The following TRHDE variants were observed in gnomAD, a reference collection of about 807,000 sequenced individuals.
The protein encoded by TRHDE is thyrotropin-releasing hormone-degrading ectoenzyme.
A neutral mutation model predicts 125.7 loss-of-function variants in TRHDE; 72 were observed. The observed-to-expected ratio is 0.57, with a 90% CI of 0.47 to 0.70. TRHDE has a LOEUF of 0.70. Ranked by LOEUF, TRHDE falls within the 30% of genes least tolerant of loss-of-function variation. The pLI is 0.00. For missense variants in TRHDE, 1,110 were observed against 1,327.1 expected (o/e 0.84, Z 2.54); for synonymous variants, 509 against 509.1 (o/e 1.00, Z 0.00).
At chr12:72,371,652 T>G (rs1054734074) in intron 2 of TRHDE, among the ~76,000 whole-genome samples, 3 of 151,988 alleles carry the variant, frequency 2.0e-5, no homozygotes, top group African/African-American at 7.3e-5. Context: ...TTTGGTTTTC[T>G]GTCCTTGGGG....
chr12:72,232,580 A>G (rs1399835349), intron 2 of TRHDE, among the ~76,000 whole-genome samples: 1 of 152,086 alleles, frequency 6.6e-6, no homozygotes, highest in Non-Finnish European at 1.5e-5. Context: ...AAAATAATAG[A>G]GTTAATACAG....
chr12:72,291,318 G>A (rs1880079896), intron 2 of TRHDE, among the ~76,000 whole-genome samples: 2 of 152,178 alleles, frequency 1.3e-5, no homozygotes, highest in South Asian at 4.1e-4. Flanking sequence ...GAGGAAATGG[G>A]AAGATACAGT....
At chr12:72,410,963 T>C (rs1592425160) in intron 3 of TRHDE, among the ~76,000 whole-genome samples, 1 of 151,164 alleles carries the variant, frequency 6.6e-6, no homozygotes, top group African/African-American at 2.4e-5. Context: ...GAGGCCAAGG[T>C]GGGTGGATCA....
At position 72,435,943 on chromosome 12, in the gene TRHDE, T is replaced by A. The variant is rs568173761; in HGVS notation, c.1316-33815T>A. On this transcript the variant is annotated intron_variant, in intron 3 of 18. Transcript: ENST00000261180. ...AAAGTATAAATGATAAAGGTGAAAATTTAATTTTTTAACTTGTTCACATAT... is the reference window on the plus strand; with the variant it reads ...AAAGTATAAATGATAAAGGTGAAAAATTAATTTTTTAACTTGTTCACATAT... 1.4e-4 allele frequency among the ~76,000 whole-genome samples: 22 copies of A among 152,024 alleles called. No individual in the cohort carries two copies. In the South Asian group the frequency reaches 1.5e-3, roughly 10 times the overall value.
intron 15 of TRHDE, among the ~76,000 whole-genome samples, chr12:72,628,515 G>C (rs1873352739): frequency 6.6e-6 from 1 of 151,842 alleles, no homozygotes; most frequent in Non-Finnish European, 1.5e-5. Flanking sequence ...AATTTTGCAA[G>C]CTAATTTTTA....
chr12:72,558,973 A>G (rs773885607), intron 7 of TRHDE, among the ~76,000 whole-genome samples: 1 of 152,148 alleles, frequency 6.6e-6, no homozygotes, highest in Non-Finnish European at 1.5e-5. Flanking sequence ...TGTAGGCTGA[A>G]GACTCTGAGT....
intron 12 of TRHDE, among the ~76,000 whole-genome samples, chr12:72,608,901 T>C (rs1872543642): frequency 6.6e-6 from 1 of 152,188 alleles, no homozygotes; most frequent in Non-Finnish European, 1.5e-5. Context: ...GCTCTACCCT[T>C]ATTTGCAATA....
chr12:72,301,013 C>G (rs1209130461), intron 2 of TRHDE, among the ~76,000 whole-genome samples: 1 of 152,134 alleles, frequency 6.6e-6, no homozygotes, highest in Admixed American at 6.5e-5. Flanking sequence ...ATTCCAGGTT[C>G]AGGGGGAGGA....
chr12:72,472,434 A>T (rs930919555), intron 4 of TRHDE, among the ~76,000 whole-genome samples: 1 of 151,994 alleles, frequency 6.6e-6, no homozygotes, highest in Non-Finnish European at 1.5e-5. Context: ...ATCTTAGAGA[A>T]TTTTTTTTGG....
intron 2 of TRHDE, among the ~76,000 whole-genome samples, chr12:72,224,442 A>G (rs961655453): frequency 1.3e-5 from 2 of 152,070 alleles, no homozygotes; most frequent in Admixed American, 1.3e-4. Context: ...ATTATATCCT[A>G]TTCATACCAA....
chr12:72,622,087 T>G (rs1451421603), intron 15 of TRHDE, among the ~76,000 whole-genome samples: 1 of 152,118 alleles, frequency 6.6e-6, no homozygotes, highest in African/African-American at 2.4e-5. Context: ...TCAGGTTCTT[T>G]ATAAAGGTTG....
intron 6 of TRHDE, among the ~76,000 whole-genome samples, chr12:72,500,882 T>C (rs1275355206): frequency 2.0e-5 from 3 of 148,562 alleles, no homozygotes; most frequent in African/African-American, 7.5e-5. Flanking sequence ...TAAGTTTCTT[T>C]GGTCCTTTGC....
At chr12:72,584,258 T>G (rs2136040235) in intron 12 of TRHDE, among the ~76,000 whole-genome samples, 1 of 152,268 alleles carries the variant, frequency 6.6e-6, no homozygotes, top group African/African-American at 2.4e-5. Context: ...ATTCTGTAGG[T>G]TTGGTCCATT....
chr12:72,227,552 G>A (rs1446409446), intron 2 of TRHDE, among the ~76,000 whole-genome samples: 6 of 152,030 alleles, frequency 3.9e-5, no homozygotes, highest in South Asian at 4.1e-4. Context: ...AAACAATATC[G>A]TTCTGCCCCA....
intron 9 of TRHDE, among the ~76,000 whole-genome samples, chr12:72,565,935 A>G (rs1870420457): frequency 6.6e-6 from 1 of 152,188 alleles, no homozygotes; most frequent in Non-Finnish European, 1.5e-5. Context: ...CTGGAACACA[A>G]TCTAATTTCC....
chr12:72,302,852 A>T (rs1318641376), intron 2 of TRHDE, among the ~76,000 whole-genome samples: 1 of 152,058 alleles, frequency 6.6e-6, no homozygotes, highest in East Asian at 1.9e-4. Context: ...GCTCTTTTGG[A>T]CTGGATAACT....
intron 2 of TRHDE, chr12:72,257,150 C>G (rs553860745): frequency 6.6e-6 from 1 of 152,094 alleles, no homozygotes; most frequent in East Asian, 1.9e-4. Context: ...AGAAAAGCAC[C>G]AGGCTATCTA....
intron 12 of TRHDE, among the ~76,000 whole-genome samples, chr12:72,591,439 T>C (rs1871677302): frequency 6.6e-6 from 1 of 152,154 alleles, no homozygotes. Context: ...TGCTATTTGC[T>C]TCCTGCCTTT....
intron 10 of TRHDE, among the ~76,000 whole-genome samples, chr12:72,573,545 C>T (rs969803260): frequency 6.6e-6 from 1 of 151,828 alleles, no homozygotes; most frequent in Non-Finnish European, 1.5e-5. Flanking sequence ...ATTTGTCCCT[C>T]AGGTTACAAG....
Sources: allele counts gnomAD v4.1 joint callset (sites outside exome capture counted in the v4.1 genomes callset), GRCh38; gene constraint gnomAD v4.1.1; transcripts MANE v1.5; gene names NCBI Gene and HGNC (gene_info 2026-07-23, HGNC 2026-07-21).